Variants in PHACTR2 observed in about 807,000 individuals in gnomAD.
The protein encoded by PHACTR2 is phosphatase and actin regulator 2, also known as chromosome 6 open reading frame 56.
Under a neutral mutation model 76.0 loss-of-function variants are expected in PHACTR2, and 30 were observed. The observed-to-expected ratio is 0.39, with a 90% CI of 0.30 to 0.54. PHACTR2 has a LOEUF of 0.54. Among genes scored for constraint, PHACTR2 ranks in the 20% least tolerant of loss-of-function variants. The pLI is 0.61. For missense variants in PHACTR2, 696 were observed against 781.1 expected (o/e 0.89, Z 1.30); for synonymous variants, 292 against 292.5 (o/e 1.00, Z 0.02).
upstream of PHACTR2, among the ~76,000 whole-genome samples, chr6:143,674,532 T>C (rs1456525375): frequency 6.6e-6 from 1 of 152,098 alleles, no homozygotes; most frequent in Non-Finnish European, 1.5e-5. This position sits in a 1 kb window ranked among gnomAD's most constrained non-coding sequence, Gnocchi z 4.9. Flanking sequence ...TTCATCTGCT[T>C]GTATATGGCC....
intron 1 of PHACTR2, among the ~76,000 whole-genome samples, chr6:143,564,309 T>C (rs1775331292): frequency 6.8e-6 from 1 of 147,372 alleles, no homozygotes; most frequent in Non-Finnish European, 1.5e-5. Context: ...AATAAGTTAA[T>C]AATAAAATAA....
upstream of PHACTR2, among the ~76,000 whole-genome samples, chr6:143,604,726 C>T (rs1250134089): frequency 6.6e-6 from 1 of 151,718 alleles, no homozygotes; most frequent in East Asian, 1.9e-4. Context: ...ACTGAAAATA[C>T]AAAAATTAGC....
Position 143,748,990 on chromosome 6 carries a change from G to C in PHACTR2, c.220G>C (p.Glu74Gln), listed in dbSNP as rs763540553. The C allele has an allele frequency of 6.6e-7, 1 of 1,523,598 alleles. No individual in the cohort carries two copies. The highest frequency in any genetic ancestry group is 1.1e-5 in the South Asian group (1 of 88,212). The allele number at this position is 1,523,598 out of a possible 1,614,324, so 94.4% of individuals were successfully genotyped here. Residue 74 changes from glutamate (E) to glutamine (Q), a missense_variant, in exon 3 of 13, where the codon GAA becomes CAA. Around this residue, in one of 2 missense-constraint regions of PHACTR2, gnomAD observed 460 missense variants for 450.9 expected, o/e 1.02. Coordinates refer to ENST00000440869, the MANE Select transcript of PHACTR2 (RefSeq NM_001100164.2). ...DKFRETSAVL[E>Q]RKISTRQSRE... ...GTGCTTGTTCTTTTTAAAAGTATTA[G>C]AAAGGAAGATATCCACACGACAAAG...
At position 143,618,694 on chromosome 6, in the gene PHACTR2, C is replaced by A. The variant is rs74652502; in HGVS notation, c.13+10372C>A. ...TCCCCAGACCCTCTCACTTGCATGT[C>A]CCCTATTGCCATATTGCAAAGCCTC... On this transcript the variant is annotated intron_variant, in intron 1 of 11. Transcript: ENST00000305766. This position sits in a 1 kb window ranked among gnomAD's most constrained non-coding sequence, Gnocchi z 5.2. Among the ~76,000 whole-genome samples, 1,011 of 152,216 alleles carry A rather than the reference C, an allele frequency of 6.6e-3. 13 individuals carry two copies. Among genetic ancestry groups the A allele is most frequent in the African/African-American group, 0.021 (854 of 41,526 alleles).
chr6:143,541,091 T>G lies in PHACTR2; in HGVS notation c.217+3884T>G, dbSNP rs1304985961. On this transcript the variant is annotated intron_variant, in intron 1 of 11. Coordinates refer to the PHACTR2 transcript ENST00000367584. This position sits in a 1 kb window ranked among gnomAD's most constrained non-coding sequence, Gnocchi z 5.3. ...TAGGCGCATGCCACTGCTCCCAGCC[T>G]TGGATTTTTAAAATCCAGTATTTCT... is the stretch of plus-strand genomic sequence containing the variant. Among the ~76,000 whole-genome samples, 1 of 152,256 alleles carries G rather than the reference T, an allele frequency of 6.6e-6. No individual in the cohort carries two copies. The highest frequency in any genetic ancestry group is 2.4e-5 in the African/African-American group (1 of 41,468).
chr6:143,786,511 A>AT (rs1228216448), intron 10 of PHACTR2, among the ~76,000 whole-genome samples: 1 of 152,118 alleles, frequency 6.6e-6, no homozygotes, highest in Non-Finnish European at 1.5e-5. Context: ...TTGATTCCAC[A>AT]TTTTTGGGTA....
At chr6:143,555,059 C>T (rs1482175557) in intron 1 of PHACTR2, 1 of 152,122 alleles carries the variant, frequency 6.6e-6, no homozygotes, top group African/African-American at 2.4e-5. Context: ...TGTTTCCATA[C>T]ACATACGGAG....
Position 143,774,263 on chromosome 6 carries a change from C to G in PHACTR2, c.1589+48C>G. On this transcript the variant is annotated intron_variant, in intron 8 of 12. Coordinates refer to ENST00000440869, the MANE Select transcript of PHACTR2 (RefSeq NM_001100164.2). The surrounding 1 kb of genome is among the most constrained non-coding windows in gnomAD (Gnocchi z 5.4). ...AGTACTGACTAATTTGTATTTTTCT[C>G]CCTCCCAAAGCTTCCTACCTAACTG... is the stretch of plus-strand genomic sequence containing the variant. 1 of 1,511,670 alleles carries G rather than the reference C, an allele frequency of 6.6e-7. No homozygotes were observed. Among genetic ancestry groups the G allele is most frequent in the African/African-American group, 1.4e-5 (1 of 72,752 alleles). 93.6% of individuals were successfully genotyped at this position (1,511,670 alleles called of 1,614,324 possible).
intron 1 of PHACTR2, among the ~76,000 whole-genome samples, chr6:143,655,157 C>CAAAAAAAA (rs151076366): frequency 1.0e-5 from 1 of 99,092 alleles, no homozygotes; most frequent in African/African-American, 4.0e-5. Flanking sequence ...AACTCCGTCT[C>CAAAAAAAA]AAAAAAAAAA....
chr6:143,574,745 A>G (rs532232914), intron 1 of PHACTR2, among the ~76,000 whole-genome samples: 2 of 151,696 alleles, frequency 1.3e-5, no homozygotes, highest in African/African-American at 4.8e-5. Context: ...TTTGATGTGA[A>G]TATTTTCCAA....
chr6:143,691,397 G>A (rs1331997665), intron 1 of PHACTR2, among the ~76,000 whole-genome samples: 2 of 152,070 alleles, frequency 1.3e-5, no homozygotes, highest in East Asian at 1.9e-4. Flanking sequence ...CACAAATGCC[G>A]GGATGAATTG....
intron 5 of PHACTR2, among the ~76,000 whole-genome samples, chr6:143,763,390 C>T (rs1465323696): frequency 6.6e-6 from 1 of 151,980 alleles, no homozygotes; most frequent in East Asian, 1.9e-4. Flanking sequence ...TTTTCTTTAA[C>T]AAATTATTAG....
At chr6:143,577,537 A>G (rs757988964) in intron 1 of PHACTR2, among the ~76,000 whole-genome samples, 4 of 152,202 alleles carry the variant, frequency 2.6e-5, no homozygotes, top group Non-Finnish European at 4.4e-5. Context: ...GAGCAGAGGC[A>G]TTGAGATGAG....
chr6:143,778,206 C>T lies in PHACTR2; in HGVS notation c.1645+823C>T, dbSNP rs572574407. Among the ~76,000 whole-genome samples, 12 of 152,210 alleles carry T rather than the reference C, an allele frequency of 7.9e-5. No homozygotes were observed. In the South Asian group the frequency reaches 1.5e-3, roughly 18 times the overall value. Reference sequence around the variant, plus strand: ...CAAAGAACAGGGATGGGTAAAACTCCGGCTAGTACTGCAATGGTAGTGACC... The same window carrying T: ...CAAAGAACAGGGATGGGTAAAACTCTGGCTAGTACTGCAATGGTAGTGACC... On this transcript the variant is annotated intron_variant, in intron 9 of 12. Coordinates refer to ENST00000440869, the MANE Select transcript of PHACTR2 (RefSeq NM_001100164.2).
chr6:143,582,100 C>A (rs149198761), intron 1 of PHACTR2, among the ~76,000 whole-genome samples: 2 of 152,156 alleles, frequency 1.3e-5, no homozygotes, highest in African/African-American at 4.8e-5. Context: ...ATAGATTTGG[C>A]ACTAGAATTT....
At chr6:143,758,757 T>C (rs1779364350) in intron 4 of PHACTR2, among the ~76,000 whole-genome samples, 1 of 152,186 alleles carries the variant, frequency 6.6e-6, no homozygotes, top group South Asian at 2.1e-4. Context: ...GAAGAGGATT[T>C]TGTGGCTGAG....
In PHACTR2 at chr6:143,618,013, A is replaced by G. The variant is rs1236661339; in HGVS notation, c.13+9691A>G. ...CTAAAGAGACTACATGTGAAATTTA[A>G]CTAAAAAGAGATGTTAAACATCTCT... On this transcript the variant is annotated intron_variant, in intron 1 of 11. Transcript: ENST00000305766. This position sits in a 1 kb window ranked among gnomAD's most constrained non-coding sequence, Gnocchi z 5.2. 2.0e-5 allele frequency among the ~76,000 whole-genome samples: 3 copies of G among 152,336 alleles called. No homozygotes were observed. In the East Asian group the frequency reaches 5.8e-4, roughly 29 times the overall value.
At chr6:143,799,829 A>T (rs1374941586) in intron 11 of PHACTR2, among the ~76,000 whole-genome samples, 2 of 152,194 alleles carry the variant, frequency 1.3e-5, no homozygotes, top group Non-Finnish European at 2.9e-5. Context: ...AATAAGTGCA[A>T]TGTGGTGCTA....
In PHACTR2 at chr6:143,599,938, A is replaced by G. The variant is rs1431768928; in HGVS notation, c.217+62731A>G. Among the ~76,000 whole-genome samples the G allele has an allele frequency of 6.6e-6, 1 of 152,192 alleles. No homozygotes were observed. The highest frequency in any genetic ancestry group is 2.4e-5 in the African/African-American group (1 of 41,446). On this transcript the variant is annotated intron_variant, in intron 1 of 11. Transcript: ENST00000367584. This position sits in a 1 kb window ranked among gnomAD's most constrained non-coding sequence, Gnocchi z 4.6. Reference sequence around the variant, plus strand: ...AAACTCAGAGCAGATGCCTTGTCTAAAGCTTTCAAGGTTTGGCCTGGCCAA... The same window carrying G: ...AAACTCAGAGCAGATGCCTTGTCTAGAGCTTTCAAGGTTTGGCCTGGCCAA...
Sources: allele counts gnomAD v4.1 joint callset (sites outside exome capture counted in the v4.1 genomes callset), GRCh38; gene constraint gnomAD v4.1.1; regional missense constraint gnomAD v4.1.1; non-coding constraint Gnocchi (gnomAD v3.1); transcripts MANE v1.5; gene names NCBI Gene and HGNC (gene_info 2026-07-23, HGNC 2026-07-21).